Variants in GLRA1 observed in about 807,000 individuals in gnomAD.
The protein encoded by GLRA1 is glycine receptor alpha 1, also known as glycine receptor subunit alpha-1.
In GLRA1, 37 loss-of-function variants were observed where a neutral mutation model predicts 48.3. That is an observed-to-expected ratio of 0.77 (90% CI 0.59 to 1.01). GLRA1 has a LOEUF of 1.01. Among genes scored for constraint, GLRA1 ranks in the 50% least tolerant of loss-of-function variants. The pLI is 0.00. For missense variants in GLRA1, 427 were observed against 571.0 expected (o/e 0.75, Z 2.57); for synonymous variants, 196 against 210.7 (o/e 0.93, Z 0.60).
In GLRA1 at chr5:151,822,566, TGTAA is replaced by T. The variant is rs144976473; in HGVS notation, c.*103_*106del. ...ATTGCACATATTGCAGAGAGAGTTG[TGTAA>T]GTGTGCCCCCTCCCTCCGTTCCCCT... On this transcript the variant is annotated 3_prime_UTR_variant, in exon 9 of 9. Coordinates refer to ENST00000274576, the MANE Select transcript of GLRA1 (RefSeq NM_000171.4). 269 of 795,422 alleles carry T rather than the reference TGTAA, an allele frequency of 3.4e-4. No homozygotes were observed. In the African/African-American group the frequency reaches 4.1e-3, roughly 12 times the overall value. 49.3% of individuals were successfully genotyped at this position (795,422 alleles called of 1,614,324 possible).
chr5:151,844,060 C>G (rs1460843811), intron 7 of GLRA1, among the ~76,000 whole-genome samples: 1 of 151,842 alleles, frequency 6.6e-6, no homozygotes, highest in Non-Finnish European at 1.5e-5. Context: ...ATCCCAGCTA[C>G]TGGGGAGGCT....
intron 7 of GLRA1, among the ~76,000 whole-genome samples, chr5:151,838,879 A>C (rs1359700793): frequency 1.3e-5 from 2 of 152,204 alleles, no homozygotes; most frequent in African/African-American, 4.8e-5. Context: ...ACAAAGTCAG[A>C]ATCTTTTTTT....
chr5:151,860,981 G>GT (rs1425660590), intron 3 of GLRA1, among the ~76,000 whole-genome samples: 2 of 152,220 alleles, frequency 1.3e-5, no homozygotes, highest in African/African-American at 2.4e-5. Context: ...GCGGTGTTTG[G>GT]TTTTTTGTCC....
At chr5:151,841,565 A>C (rs920184754) in intron 7 of GLRA1, among the ~76,000 whole-genome samples, 1 of 152,200 alleles carries the variant, frequency 6.6e-6, no homozygotes. Context: ...AAAAATTAGC[A>C]AAATTGAATA....
Position 151,886,795 on chromosome 5 carries a change from A to G in GLRA1, c.185-7T>C, listed in dbSNP as rs199708505. The G allele has an allele frequency of 2.5e-6, 4 of 1,607,058 alleles. No individual in the cohort carries two copies. The highest frequency in any genetic ancestry group is 1.3e-5 in the African/African-American group (1 of 74,910). ...CTCACGTTCACTGGGGGACCTGCCAATCAAGAGAGATTCCTGCTTAGCCCC... is the reference window on the plus strand; with the variant it reads ...CTCACGTTCACTGGGGGACCTGCCAGTCAAGAGAGATTCCTGCTTAGCCCC... On this transcript the variant is annotated splice_polypyrimidine_tract_variant and splice_region_variant and intron_variant, in intron 2 of 8. Coordinates refer to ENST00000274576, the MANE Select transcript of GLRA1 (RefSeq NM_000171.4).
At chr5:151,910,953 C>T (rs1249961976) in intron 1 of GLRA1, among the ~76,000 whole-genome samples, 1 of 152,184 alleles carries the variant, frequency 6.6e-6, no homozygotes, top group Admixed American at 6.5e-5. Context: ...ATCCCCAGAA[C>T]TTAGAACAAC....
chr5:151,916,468 C>T (rs1754745231), intron 1 of GLRA1, among the ~76,000 whole-genome samples: 1 of 152,152 alleles, frequency 6.6e-6, no homozygotes, highest in Non-Finnish European at 1.5e-5. Context: ...ATAGTAGTTA[C>T]TCTGGTGTGT....
chr5:151,840,766 GA>G (rs1021240460), intron 7 of GLRA1, among the ~76,000 whole-genome samples: 1 of 145,392 alleles, frequency 6.9e-6, no homozygotes, highest in Non-Finnish European at 1.5e-5. Context: ...CAGTCTTTAA[GA>G]AAAAAAAATT....
chr5:151,882,576 G>A (rs1753785991), intron 3 of GLRA1, among the ~76,000 whole-genome samples: 1 of 152,172 alleles, frequency 6.6e-6, no homozygotes, highest in Non-Finnish European at 1.5e-5. Context: ...GAAGGGAGGG[G>A]AATCTTTGAG....
At chr5:151,867,362 C>T (rs1458434712) in intron 3 of GLRA1, among the ~76,000 whole-genome samples, 1 of 152,110 alleles carries the variant, frequency 6.6e-6, no homozygotes, top group African/African-American at 2.4e-5. Flanking sequence ...ATATGTCTCA[C>T]ATCTTTGAGA....
intron 1 of GLRA1, among the ~76,000 whole-genome samples, chr5:151,906,070 G>A (rs1233456094): frequency 2.6e-5 from 4 of 152,038 alleles, no homozygotes; most frequent in Admixed American, 6.6e-5. Flanking sequence ...GTTTATTAGC[G>A]GGTTCTGATT....
At chr5:151,917,957 C>G (rs117596967) in intron 1 of GLRA1, among the ~76,000 whole-genome samples, 2 of 152,174 alleles carry the variant, frequency 1.3e-5, no homozygotes, top group South Asian at 4.1e-4. Context: ...TAATGATTGT[C>G]GGCAGCTCCC....
At chr5:151,916,077 A>G (rs1754732295) in intron 1 of GLRA1, among the ~76,000 whole-genome samples, 1 of 152,098 alleles carries the variant, frequency 6.6e-6, no homozygotes, top group Non-Finnish European at 1.5e-5. Flanking sequence ...CTATCTGTCT[A>G]TCTCTATGTA....
At chr5:151,883,714 C>T (rs1405409863) in intron 3 of GLRA1, among the ~76,000 whole-genome samples, 2 of 152,230 alleles carry the variant, frequency 1.3e-5, no homozygotes, top group African/African-American at 4.8e-5. Context: ...TGCTTTATCT[C>T]TTAATACTCA....
intron 3 of GLRA1, among the ~76,000 whole-genome samples, chr5:151,876,931 A>ATCTC (rs147067649): frequency 2.7e-5 from 4 of 149,500 alleles, no homozygotes; most frequent in South Asian, 2.1e-4. Flanking sequence ...GAGGTGCCAG[A>ATCTC]TCTCTCTCTC....
rs1467434683 is a variant in GLRA1, at chr5:151,822,713, A to T, written c.1310T>A (p.Ile437Asn). ...GTCCTCTCTACGGACAATCTTGTAG[A>T]TGATCCAGTAGAACATGTTGAAAAT... ...FLIFNMFYWIIYKIVRREDVH... is the reference protein window; with the variant it reads ...FLIFNMFYWINYKIVRREDVH... Residue 437 changes from isoleucine (I) to asparagine (N), a missense_variant, in exon 9 of 9, where the codon ATC (isoleucine) becomes AAC (asparagine). Physicochemically the swap from Ile to Asn is moderately radical, Grantham distance 149. Coordinates refer to ENST00000274576, the MANE Select transcript of GLRA1 (RefSeq NM_000171.4). 1 of 1,613,886 alleles carries T rather than the reference A, an allele frequency of 6.2e-7. No homozygotes were observed. Among genetic ancestry groups the T allele is most frequent in the Admixed American group, 1.7e-5 (1 of 60,004 alleles).
chr5:151,880,592 ACT>A (rs36081655), intron 3 of GLRA1, among the ~76,000 whole-genome samples: 35 of 150,336 alleles, frequency 2.3e-4, no homozygotes, highest in African/African-American at 5.4e-4. Flanking sequence ...GTCAACACAC[ACT>A]CTCTCTCTCT....
intron 1 of GLRA1, among the ~76,000 whole-genome samples, chr5:151,916,004 G>A (rs1450345675): frequency 6.6e-6 from 1 of 152,162 alleles, no homozygotes; most frequent in Non-Finnish European, 1.5e-5. Context: ...CATTGGTAGA[G>A]GGGGAGGGTT....
At position 151,822,547 on chromosome 5, in the gene GLRA1, C is replaced by T; in HGVS notation, c.*126G>A. The T allele has an allele frequency of 4.1e-6, 3 of 736,472 alleles. No homozygotes were observed. The highest frequency in any genetic ancestry group is 7.4e-6 in the Non-Finnish European group (3 of 405,596). The allele number at this position is 736,472 out of a possible 1,614,324, so 45.6% of individuals were successfully genotyped here. On this transcript the variant is annotated 3_prime_UTR_variant, in exon 9 of 9. Coordinates refer to ENST00000274576, the MANE Select transcript of GLRA1 (RefSeq NM_000171.4). Reference sequence around the variant, plus strand: ...TGCATCACTGCATTTTGCTATTGCACATATTGCAGAGAGAGTTGTGTAAGT... The same window carrying T: ...TGCATCACTGCATTTTGCTATTGCATATATTGCAGAGAGAGTTGTGTAAGT...
Sources: gnomAD v4.1 joint callset for allele counts (sites outside exome capture counted in the v4.1 genomes callset) on GRCh38, gnomAD v4.1.1 for gene constraint, MANE v1.5 for transcripts, NCBI Gene and HGNC (gene_info 2026-07-23, HGNC 2026-07-21) for gene names.